The following SPON1 variants were observed in gnomAD, a reference collection of about 807,000 sequenced individuals.
SPON1 encodes the protein spondin 1.
Under a neutral mutation model 111.7 loss-of-function variants are expected in SPON1, and 52 were observed. That is an observed-to-expected ratio of 0.47 (90% CI 0.37 to 0.59). SPON1 has a LOEUF of 0.59. Ranked by LOEUF, SPON1 falls within the 20% of genes least tolerant of loss-of-function variation. The pLI, the probability that SPON1 is intolerant of heterozygous loss-of-function variation, is 0.00. For missense variants in SPON1, 957 were observed against 1,068.5 expected, an observed-to-expected ratio of 0.90 and a Z score of 1.46; for synonymous variants, 410 against 395.8, an observed-to-expected ratio of 1.04 and a Z score of -0.43.
chr11:14,257,526 T>C (rs1849122562), intron 10 of SPON1, among the ~76,000 whole-genome samples, 190 bp from the exon 11 acceptor site: 1 of 152,188 alleles, frequency 6.6e-6, no homozygotes, highest in Non-Finnish European at 1.5e-5. Flanking sequence ...ATTAGATATT[T>C]ATTAGCAAGA....
At chr11:14,132,066 C>G (rs1847535185) in intron 5 of SPON1, among the ~76,000 whole-genome samples, 1 of 152,172 alleles carries the variant, frequency 6.6e-6, no homozygotes, top group Non-Finnish European at 1.5e-5. Flanking sequence ...ATCACAAGGT[C>G]AGGAGTTTGA....
chr11:14,175,480 C>G (rs577064835), intron 6 of SPON1, among the ~76,000 whole-genome samples: 10 of 152,170 alleles, frequency 6.6e-5, no homozygotes, highest in Admixed American at 4.6e-4. Flanking sequence ...GGTCCTAAAC[C>G]CACATGCTAT....
At chr11:14,072,580 G>T (rs753787854) in intron 3 of SPON1, among the ~76,000 whole-genome samples, 1 of 152,074 alleles carries the variant, frequency 6.6e-6, no homozygotes, top group Non-Finnish European at 1.5e-5. Flanking sequence ...AATAAACATC[G>T]AAAGTCTGCA....
intron 6 of SPON1, among the ~76,000 whole-genome samples, chr11:14,140,893 C>A (rs1346415508): frequency 1.3e-5 from 2 of 152,098 alleles, no homozygotes; most frequent in African/African-American, 4.8e-5. Flanking sequence ...TTGGGAGTTC[C>A]ATTTCTTGGA....
intron 6 of SPON1, among the ~76,000 whole-genome samples, chr11:14,173,825 C>T (rs1004299352): frequency 1.7e-4 from 26 of 152,130 alleles, no homozygotes; most frequent in African/African-American, 5.3e-4. Context: ...GAACCGCAAA[C>T]GTTTCTGCCT....
chr11:13,963,951 C>G (rs1052476470), intron 1 of SPON1, among the ~76,000 whole-genome samples: 3 of 152,182 alleles, frequency 2.0e-5, no homozygotes. Flanking sequence ...TCCGGCAGCT[C>G]GGAGTCTCCA....
intron 2 of SPON1, among the ~76,000 whole-genome samples, chr11:13,985,964 T>A (rs754918228): frequency 6.6e-6 from 1 of 152,216 alleles, no homozygotes; most frequent in Non-Finnish European, 1.5e-5. Flanking sequence ...TCCTGTGATA[T>A]GTGGCCCCCA....
intron 7 of SPON1, among the ~76,000 whole-genome samples, chr11:14,245,658 G>T (rs1848981389): frequency 1.3e-5 from 2 of 152,142 alleles, no homozygotes; most frequent in Non-Finnish European, 2.9e-5. Flanking sequence ...GCCTGAGGAG[G>T]GAAAGAGAGA....
intron 15 of SPON1, among the ~76,000 whole-genome samples, chr11:14,263,733 A>G (rs1554942151): frequency 6.6e-6 from 1 of 152,182 alleles, no homozygotes. Flanking sequence ...TGCCACTTAG[A>G]AAAGTACATT....
At chr11:14,040,781 A>G (rs561663502) in intron 2 of SPON1, among the ~76,000 whole-genome samples, 2 of 152,112 alleles carry the variant, frequency 1.3e-5, no homozygotes, top group Admixed American at 6.6e-5. Context: ...CTACCAATCT[A>G]TTGGAGTTGG....
chr11:14,128,799 C>A (rs1383606489), intron 5 of SPON1, among the ~76,000 whole-genome samples: 1 of 152,262 alleles, frequency 6.6e-6, no homozygotes, highest in Non-Finnish European at 1.5e-5. Flanking sequence ...CCTCTGAAAT[C>A]TAGGCAGAGG....
chr11:14,180,058 G>C (rs1183860025), intron 6 of SPON1, among the ~76,000 whole-genome samples: 3 of 152,010 alleles, frequency 2.0e-5, no homozygotes, highest in Non-Finnish European at 4.4e-5. Flanking sequence ...CCCTTCTATT[G>C]CATCTTCCAT....
At chr11:14,070,108 G>C (rs1183884208) in intron 3 of SPON1, among the ~76,000 whole-genome samples, 1 of 152,150 alleles carries the variant, frequency 6.6e-6, no homozygotes, top group African/African-American at 2.4e-5. Flanking sequence ...GACGGCCTCA[G>C]CATCTGATAT....
intron 2 of SPON1, among the ~76,000 whole-genome samples, chr11:14,018,845 A>T (rs1487739580): frequency 6.6e-6 from 1 of 152,190 alleles, no homozygotes; most frequent in Non-Finnish European, 1.5e-5. Context: ...AGGTTTTAGG[A>T]TGGTTGAAAG....
chr11:14,079,834 A>G (rs1848947084), intron 4 of SPON1, 65 bp from the exon 5 acceptor site: 1 of 1,583,332 alleles, frequency 6.3e-7, no homozygotes, highest in African/African-American at 1.3e-5. Flanking sequence ...TGAGACCATG[A>G]TAGCACCACC....
chr11:14,229,275 C>T (rs1351535182), intron 6 of SPON1, among the ~76,000 whole-genome samples: 1 of 152,144 alleles, frequency 6.6e-6, no homozygotes, highest in African/African-American at 2.4e-5. Context: ...TACGAGTGAA[C>T]AAATAATCAT....
chr11:14,069,614 G>A (rs1406357), intron 3 of SPON1, among the ~76,000 whole-genome samples: 151,948 of 152,242 alleles, frequency 1, 75,828 homozygotes, highest in Middle Eastern at 1. Flanking sequence ...GGAGCTCCTT[G>A]CTGGAAGTCA....
intron 6 of SPON1, among the ~76,000 whole-genome samples, chr11:14,193,643 C>T (rs1554934790): frequency 6.6e-6 from 1 of 152,146 alleles, no homozygotes; most frequent in Non-Finnish European, 1.5e-5. Flanking sequence ...TGAGGCTCTG[C>T]CTTTTCCCTC....
chr11:14,137,403 G>A (rs111585546), intron 6 of SPON1, among the ~76,000 whole-genome samples: 3 of 152,140 alleles, frequency 2.0e-5, no homozygotes, highest in Non-Finnish European at 2.9e-5. Flanking sequence ...ACAAACAGTC[G>A]TAATAATAAG....
Sources: allele counts gnomAD v4.1 joint callset (sites outside exome capture counted in the v4.1 genomes callset), GRCh38; gene constraint gnomAD v4.1.1; transcripts MANE v1.5; gene names NCBI Gene and HGNC (gene_info 2026-07-23, HGNC 2026-07-21).